The following SETDB2 variants were observed in gnomAD, a reference collection of about 807,000 sequenced individuals.
The protein encoded by SETDB2 is histone-lysine N-methyltransferase SETDB2.
A neutral mutation model predicts 82.5 loss-of-function variants in SETDB2; 56 were observed. That is an observed-to-expected ratio of 0.68 (90% CI 0.55 to 0.85). SETDB2 has a LOEUF of 0.85. SETDB2 is among the 40% of genes least tolerant of loss of function. The pLI, the probability that SETDB2 is intolerant of heterozygous loss-of-function variation, is 0.00. For missense variants in SETDB2, 677 were observed against 816.4 expected (o/e 0.83, Z 2.08); for synonymous variants, 272 against 284.9 (o/e 0.95, Z 0.46).
chr13:49,447,262 A>G (rs1018461656), intron 1 of SETDB2, among the ~76,000 whole-genome samples: 3 of 151,916 alleles, frequency 2.0e-5, no homozygotes, highest in African/African-American at 4.8e-5. Context: ...TTTTGTTGCT[A>G]TTGTTAAAAT....
chr13:49,476,777 A>G lies in SETDB2; in HGVS notation c.607A>G (p.Asn203Asp). ...TCGTTACCTGCTTGAGACAGAGTGT[A>G]ACTTTTTATTTACAGATAACTTTTC... ...VFRYLLETEC[N>D]FLFTDNFSFN... The change falls in exon 6 of 14, where the codon AAC becomes GAC. Residue 203 changes from asparagine (N) to aspartate (D), a missense_variant. Around this residue, in one of 3 missense-constraint regions of SETDB2, gnomAD observed 243 missense variants for 237.2 expected, o/e 1.02. Coordinates refer to ENST00000611815, the MANE Select transcript of SETDB2 (RefSeq NM_001160308.3). 1 of 1,613,768 alleles carries G rather than the reference A, an allele frequency of 6.2e-7. No individual in the cohort carries two copies. Among genetic ancestry groups the G allele is most frequent in the South Asian group, 1.1e-5 (1 of 91,054 alleles).
At chr13:49,449,516 G>T (rs536052302) in intron 1 of SETDB2, among the ~76,000 whole-genome samples, 1 of 152,102 alleles carries the variant, frequency 6.6e-6, no homozygotes, top group East Asian at 1.9e-4. Context: ...CTCCCAAAGC[G>T]CTGGCATCAC....
intron 2 of SETDB2, 62 bp downstream of exon 2, chr13:49,451,971 T>C: frequency 8.2e-7 from 1 of 1,212,566 alleles, no homozygotes; most frequent in Non-Finnish European, 1.1e-6. Context: ...ATAGACAATG[T>C]AAGCTGATGT....
intron 5 of SETDB2, among the ~76,000 whole-genome samples, chr13:49,474,662 G>T (rs577568004): frequency 6.6e-6 from 1 of 152,294 alleles, no homozygotes; most frequent in Non-Finnish European, 1.5e-5. Context: ...TTGTGGTCTA[G>T]CCTATACTAC....
chr13:49,475,484 T>C (rs1958336779), intron 5 of SETDB2, among the ~76,000 whole-genome samples: 1 of 151,764 alleles, frequency 6.6e-6, no homozygotes, highest in Admixed American at 6.6e-5. Flanking sequence ...AAGGAAGCTT[T>C]TCACGGATTT....
In SETDB2 at chr13:49,488,298, A is replaced by T. The variant is rs1016077093; in HGVS notation, c.1585A>T (p.Ser529Cys). The T allele has an allele frequency of 1.3e-6, 2 of 1,581,306 alleles. No individual in the cohort carries two copies. The highest frequency in any genetic ancestry group is 3.9e-5 in the Admixed American group (2 of 51,160). The change falls in exon 12 of 14, where the codon AGT (serine) becomes TGT (cysteine). Residue 529 changes from serine (S) to cysteine (C), a missense_variant. Ser to Cys is a moderately radical substitution (Grantham distance 112, BLOSUM62 -1). This residue lies in a region of SETDB2 where 420 missense variants were observed against 554.6 expected (regional missense o/e 0.76). Coordinates refer to ENST00000611815, the MANE Select transcript of SETDB2 (RefSeq NM_001160308.3). Reference sequence around the variant, plus strand: ...TCCAAAATGTCTATTAGAGGACTCAAGTTCAAACCATGTTGATGAGTTTGA... The same window carrying T: ...TCCAAAATGTCTATTAGAGGACTCATGTTCAAACCATGTTGATGAGTTTGA... ...SKTKGAQKDS[S>C]SNHVDEFEDN...
intron 2 of SETDB2, among the ~76,000 whole-genome samples, chr13:49,458,579 A>G (rs984459561): frequency 1.3e-5 from 2 of 152,192 alleles, no homozygotes; most frequent in Non-Finnish European, 2.9e-5. Context: ...GATGTTCTAC[A>G]TAAGACCCTT....
At chr13:49,454,424 A>G (rs904764338) in intron 2 of SETDB2, among the ~76,000 whole-genome samples, 3 of 152,144 alleles carry the variant, frequency 2.0e-5, no homozygotes, top group African/African-American at 7.2e-5. Flanking sequence ...ATAAATAAAT[A>G]AAAATAGAAT....
Position 49,476,985 on chromosome 13 carries a change from A to G in SETDB2, c.815A>G (p.Asn272Ser), listed in dbSNP as rs1309176926. The G allele has an allele frequency of 2.5e-6, 4 of 1,612,396 alleles. No individual in the cohort carries two copies. The Admixed American group carries it at 6.7e-5, about 27-fold the overall frequency. ...TVWPRAYNLT[N>S]FSSMFTDSCD... is the part of the protein sequence containing the mutation. ...TGGCCTCGAGCATATAATCTAACCAACTTTTCCAGCATGTTTACTGATTCC... is the reference window on the plus strand; with the variant it reads ...TGGCCTCGAGCATATAATCTAACCAGCTTTTCCAGCATGTTTACTGATTCC... The change falls in exon 6 of 14, where the codon AAC (asparagine) becomes AGC (serine). Residue 272 changes from asparagine (N) to serine (S), a missense_variant. Physicochemically the swap from Asn to Ser is conservative, Grantham distance 46. This residue lies in a region of SETDB2 where 420 missense variants were observed against 554.6 expected (regional missense o/e 0.76). Transcript: ENST00000611815.
At chr13:49,482,101 T>C (rs940890293) in intron 8 of SETDB2, 1 of 985,288 alleles carries the variant, frequency 1.0e-6, no homozygotes, top group Admixed American at 6.1e-5. Context: ...GGATGAAAGC[T>C]ACCTGTAAAA....
chr13:49,481,910 T>G (rs1958486334), intron 8 of SETDB2: 1 of 288,676 alleles, frequency 3.5e-6, no homozygotes, highest in South Asian at 1.3e-4. Flanking sequence ...TCAGGTTTAA[T>G]CTGTTTACAT....
At chr13:49,477,763 G>A (rs779176311) in intron 6 of SETDB2, among the ~76,000 whole-genome samples, 34 of 152,270 alleles carry the variant, frequency 2.2e-4, no homozygotes, top group Non-Finnish European at 4.0e-4. Context: ...AGAGGTCATA[G>A]AACAAATTGT....
intron 5 of SETDB2, among the ~76,000 whole-genome samples, chr13:49,475,485 T>C (rs544541359): frequency 1.3e-5 from 2 of 151,648 alleles, no homozygotes; most frequent in South Asian, 4.2e-4. Flanking sequence ...AGGAAGCTTT[T>C]CACGGATTTT....
rs1256967000 is a variant in SETDB2, at chr13:49,491,930, A to C, written c.*81A>C. 4.3e-6 allele frequency: 4 copies of C among 938,932 alleles called. No homozygotes were observed. Among genetic ancestry groups the C allele is most frequent in the East Asian group, 4.8e-5 (2 of 41,410 alleles). 58.2% of individuals were successfully genotyped at this position (938,932 alleles called of 1,614,324 possible). On this transcript the variant is annotated 3_prime_UTR_variant, in exon 14 of 14. Coordinates refer to ENST00000611815, the MANE Select transcript of SETDB2 (RefSeq NM_001160308.3). ...TGCAAAAGAAGGTCTAGGTCCATCAAGGAAATTCCCCTCCGTTTTCCTTTG... is the reference window on the plus strand; with the variant it reads ...TGCAAAAGAAGGTCTAGGTCCATCACGGAAATTCCCCTCCGTTTTCCTTTG...
chr13:49,482,023 A>C (rs1169806208), intron 8 of SETDB2: 1 of 983,072 alleles, frequency 1.0e-6, no homozygotes, highest in African/African-American at 1.7e-5. Flanking sequence ...GCCACTCCCC[A>C]TTTACAGATC....
intron 11 of SETDB2, among the ~76,000 whole-genome samples, chr13:49,487,063 A>T (rs1455092262): frequency 6.6e-6 from 1 of 152,184 alleles, no homozygotes; most frequent in Non-Finnish European, 1.5e-5. Flanking sequence ...TGACTGCTAC[A>T]ATATATATAG....
intron 2 of SETDB2, among the ~76,000 whole-genome samples, chr13:49,454,423 T>G (rs964271613): frequency 1.3e-5 from 2 of 151,972 alleles, no homozygotes; most frequent in African/African-American, 4.8e-5. Context: ...AATAAATAAA[T>G]AAAAATAGAA....
intron 13 of SETDB2, among the ~76,000 whole-genome samples, chr13:49,491,157 A>T (rs1444515595): frequency 1.3e-5 from 2 of 152,246 alleles, no homozygotes; most frequent in African/African-American, 2.4e-5. Flanking sequence ...TAGGAGGATC[A>T]CTTGAGCCCA....
At chr13:49,459,520 T>TA (rs1033964917) in intron 2 of SETDB2, among the ~76,000 whole-genome samples, 45 of 152,326 alleles carry the variant, frequency 3.0e-4, no homozygotes, top group African/African-American at 1.1e-3. Context: ...TTTGACAACT[T>TA]ATAATTGTTT....
Sources: allele counts gnomAD v4.1 joint callset (sites outside exome capture counted in the v4.1 genomes callset), GRCh38; gene constraint gnomAD v4.1.1; regional missense constraint gnomAD v4.1.1; transcripts MANE v1.5; gene names NCBI Gene and HGNC (gene_info 2026-07-23, HGNC 2026-07-21).